The following SYNPR variants were observed in gnomAD, a reference collection of about 807,000 sequenced individuals.
SYNPR encodes synaptoporin.
SYNPR carries 23 observed loss-of-function variants against 32.9 expected under a neutral mutation model. The observed-to-expected ratio is 0.70, with a 90% CI of 0.50 to 0.99. SYNPR has a LOEUF of 0.99. Ranked by LOEUF, SYNPR falls within the 50% of genes least tolerant of loss-of-function variation. The probability of loss-of-function intolerance (pLI) is 0.00; values close to 1 mark genes in which losing one functional copy is unlikely to be tolerated. For synonymous variants in SYNPR, 146 were observed against 135.9 expected, an observed-to-expected ratio of 1.07 and a Z score of -0.52; for missense variants, 318 against 349.3, an observed-to-expected ratio of 0.91 and a Z score of 0.71.
intron 2 of SYNPR, among the ~76,000 whole-genome samples, chr3:63,333,773 A>C (rs1039298786): frequency 3.3e-5 from 5 of 152,186 alleles, no homozygotes; most frequent in African/African-American, 1.2e-4. Context: ...GCACCAGTCC[A>C]AAGAGTTTTA....
the SYNPR span, among the ~76,000 whole-genome samples, chr3:63,217,483 A>T: frequency 1.2e-4 from 5 of 42,440 alleles, no homozygotes; most frequent in South Asian, 2.4e-3. Flanking sequence ...CAGGTGCGTC[A>T]GTCACCCCTT....
intron 4 of SYNPR, among the ~76,000 whole-genome samples, chr3:63,597,429 T>A (rs1270826249): frequency 2.6e-5 from 4 of 152,146 alleles, no homozygotes; most frequent in Non-Finnish European, 5.9e-5. Flanking sequence ...TGGAGCCAGT[T>A]TTCTTTGACG....
intron 2 of SYNPR, among the ~76,000 whole-genome samples, chr3:63,470,134 C>T (rs1037960286): frequency 2.6e-5 from 4 of 152,176 alleles, no homozygotes; most frequent in African/African-American, 9.6e-5. Context: ...CAACTAATAA[C>T]ACTTCAGCAT....
intron 2 of SYNPR, among the ~76,000 whole-genome samples, chr3:63,371,921 C>A (rs1575614038): frequency 6.6e-6 from 1 of 152,124 alleles, no homozygotes; most frequent in Non-Finnish European, 1.5e-5. Context: ...GGTTGCTATG[C>A]TGGCATTTCC....
chr3:63,367,589 CAG>C (rs2087742882), intron 2 of SYNPR, among the ~76,000 whole-genome samples: 1 of 152,060 alleles, frequency 6.6e-6, no homozygotes, highest in Non-Finnish European at 1.5e-5. Flanking sequence ...CTTCTGAGCT[CAG>C]GTGATCTGCC....
At chr3:63,546,036 A>G (rs535156154) in intron 3 of SYNPR, among the ~76,000 whole-genome samples, 3 of 152,136 alleles carry the variant, frequency 2.0e-5, no homozygotes, top group East Asian at 1.9e-4. Context: ...TTGTTTCACA[A>G]TTCACTTGGG....
intron 3 of SYNPR, among the ~76,000 whole-genome samples, chr3:63,532,124 T>C (rs1315506048): frequency 6.6e-6 from 1 of 152,176 alleles, no homozygotes; most frequent in Non-Finnish European, 1.5e-5. Context: ...AAAATATGAA[T>C]TTTGTAGGCA....
intron 1 of SYNPR, among the ~76,000 whole-genome samples, chr3:63,229,373 G>A (rs560421620): frequency 6.6e-6 from 1 of 152,120 alleles, no homozygotes. Context: ...TTGGATGCAT[G>A]AGACCGTTAG....
At chr3:63,558,415 C>A (rs1288404156) in intron 4 of SYNPR, among the ~76,000 whole-genome samples, 1 of 152,148 alleles carries the variant, frequency 6.6e-6, no homozygotes, top group Non-Finnish European at 1.5e-5. Flanking sequence ...TCACAGCTCA[C>A]TCCACCTCCT....
At chr3:63,534,245 T>A (rs955155692) in intron 3 of SYNPR, among the ~76,000 whole-genome samples, 2 of 152,156 alleles carry the variant, frequency 1.3e-5, no homozygotes, top group Admixed American at 1.3e-4. Flanking sequence ...AATGGCTAAA[T>A]CTGAAACTGG....
chr3:63,362,973 T>C (rs1435676952), intron 2 of SYNPR, among the ~76,000 whole-genome samples: 1 of 152,166 alleles, frequency 6.6e-6, no homozygotes, highest in Non-Finnish European at 1.5e-5. Context: ...ACTAGAATTA[T>C]CCAAACAATT....
intron 2 of SYNPR, chr3:63,444,357 A>T (rs1700235547): frequency 6.6e-6 from 1 of 152,242 alleles, no homozygotes; most frequent in African/African-American, 2.4e-5. Context: ...AAAGTATTTT[A>T]ATATAATTAT....
At chr3:63,333,996 G>C (rs72881836) in intron 2 of SYNPR, among the ~76,000 whole-genome samples, 166 of 152,250 alleles carry the variant, frequency 1.1e-3, no homozygotes, top group African/African-American at 3.9e-3. Context: ...GACACCTGGT[G>C]GTGGACCATT....
chr3:63,287,853 G>A (rs912059309), intron 2 of SYNPR, among the ~76,000 whole-genome samples: 9 of 152,246 alleles, frequency 5.9e-5, no homozygotes, highest in Non-Finnish European at 8.8e-5. Flanking sequence ...GGCTATTATA[G>A]GGATACCCAC....
the SYNPR span, among the ~76,000 whole-genome samples, chr3:63,208,082 C>T: frequency 6.6e-6 from 1 of 151,818 alleles, no homozygotes; most frequent in Non-Finnish European, 1.5e-5. Flanking sequence ...GAGTCAATAA[C>T]TTCCAGAATA....
intron 2 of SYNPR, among the ~76,000 whole-genome samples, chr3:63,353,564 A>T (rs750169641): frequency 2.0e-5 from 3 of 152,212 alleles, no homozygotes; most frequent in Admixed American, 6.5e-5. Context: ...TTGAATCGTG[A>T]TGTGGACAGA....
chr3:63,410,972 T>G (rs748319935), intron 2 of SYNPR, among the ~76,000 whole-genome samples: 1 of 152,224 alleles, frequency 6.6e-6, no homozygotes, highest in Non-Finnish European at 1.5e-5. Flanking sequence ...TGGGGCATTA[T>G]TCCTAGAAAT....
chr3:63,313,185 C>T (rs937631454), intron 2 of SYNPR, among the ~76,000 whole-genome samples: 6 of 151,848 alleles, frequency 4.0e-5, no homozygotes, highest in African/African-American at 1.5e-4. Context: ...ACTCAAGTGG[C>T]CACTTCAGTT....
intron 2 of SYNPR, among the ~76,000 whole-genome samples, chr3:63,301,338 T>C (rs1450559595): frequency 6.6e-6 from 1 of 152,128 alleles, no homozygotes; most frequent in East Asian, 1.9e-4. Flanking sequence ...TGAGAAGCTA[T>C]TTTTAAAATA....
Sources: gnomAD v4.1 joint callset for allele counts (sites outside exome capture counted in the v4.1 genomes callset) on GRCh38, gnomAD v4.1.1 for gene constraint, MANE v1.5 for transcripts, NCBI Gene and HGNC (gene_info 2026-07-23, HGNC 2026-07-21) for gene names.